KYNU: variants seen among roughly 807,000 people sequenced by gnomAD.
KYNU encodes the protein L-kynurenine hydrolase.
KYNU carries 54 observed loss-of-function variants against 59.2 expected under a neutral mutation model. That is an observed-to-expected ratio of 0.91 (90% CI 0.73 to 1.14). The LOEUF (loss-of-function observed/expected upper bound fraction) is 1.14, where lower values mean the gene tolerates loss of function less well. KYNU is among the 50% of genes most tolerant of loss of function. The probability of loss-of-function intolerance (pLI) is 0.00; values close to 1 mark genes in which losing one functional copy is unlikely to be tolerated. For synonymous variants in KYNU, 177 were observed against 192.0 expected, an observed-to-expected ratio of 0.92 and a Z score of 0.65; for missense variants, 567 against 554.4, an observed-to-expected ratio of 1.02 and a Z score of -0.23.
chr2:142,953,177 G>T (rs1684046389), intron 4 of KYNU, among the ~76,000 whole-genome samples: 1 of 152,190 alleles, frequency 6.6e-6, no homozygotes, highest in Non-Finnish European at 1.5e-5. Flanking sequence ...CAGAAGTCAT[G>T]ATGTCCTGGC....
chr2:142,960,612 A>T lies in KYNU; in HGVS notation c.583-12A>T, dbSNP rs973745535. ...TATCGATATGACCTAACTTGTGCCT[A>T]ACTTGATTTAGGGGGAAGAAACCTT... is the stretch of plus-strand genomic sequence containing the variant. On this transcript the variant is annotated splice_polypyrimidine_tract_variant and intron_variant, in intron 7 of 13. Transcript: ENST00000264170. 2.5e-6 allele frequency: 4 copies of T among 1,611,514 alleles called. No homozygotes were observed. In the African/African-American group the frequency reaches 4.0e-5, roughly 16 times the overall value.
chr2:142,970,208 C>G (rs528175475), intron 8 of KYNU, among the ~76,000 whole-genome samples: 1 of 151,976 alleles, frequency 6.6e-6, no homozygotes, highest in South Asian at 2.1e-4. Flanking sequence ...AAAGGTTAGT[C>G]GATTTGAAGA....
rs1448796238 is a variant in KYNU at position 143,044,953 on chromosome 2, T to G, written c.*2781T>G. The G allele has an allele frequency of 6.6e-6, 1 of 151,666 alleles. No individual in the cohort carries two copies. Among genetic ancestry groups the G allele is most frequent in the East Asian group, 1.9e-4 (1 of 5,186 alleles). The allele number at this position is 151,666 out of a possible 1,614,324, so 9.4% of individuals were successfully genotyped here. On this transcript the variant is annotated 3_prime_UTR_variant, in exon 14 of 14. Transcript: ENST00000264170. ...GCCTAGATATTCTTCTAGGGTTTTT[T>G]TTTTGGCTTTAGGTCTTGCAGTTAA...
intron 11 of KYNU, among the ~76,000 whole-genome samples, chr2:143,030,914 A>G (rs971282999): frequency 2.0e-5 from 3 of 152,198 alleles, no homozygotes; most frequent in Non-Finnish European, 2.9e-5. Flanking sequence ...ACCATCTAAC[A>G]CAAATCCTAT....
intron 7 of KYNU, among the ~76,000 whole-genome samples, chr2:142,959,965 C>T (rs933525823): frequency 6.6e-6 from 1 of 152,122 alleles, no homozygotes; most frequent in African/African-American, 2.4e-5. Flanking sequence ...GTTGCTCTGT[C>T]ACCCAGGCTG....
In KYNU at chr2:142,986,038, G is replaced by T; in HGVS notation, c.902+17G>T. 1 of 1,582,178 alleles carries T rather than the reference G, an allele frequency of 6.3e-7. No homozygotes were observed. The highest frequency in any genetic ancestry group is 8.7e-7 in the Non-Finnish European group (1 of 1,151,820). On this transcript the variant is annotated intron_variant, in intron 10 of 13. Transcript: ENST00000264170. ...TAAACCTGCGTGAGTACCATCTTCAGCTAATTCTTTGGTGATGAACAAATT... is the reference window on the plus strand; with the variant it reads ...TAAACCTGCGTGAGTACCATCTTCATCTAATTCTTTGGTGATGAACAAATT...
In KYNU at chr2:143,043,715, T is replaced by C. The variant is rs1032146047; in HGVS notation, c.*1543T>C. 1 of 147,780 alleles carries C rather than the reference T, an allele frequency of 6.8e-6. No individual in the cohort carries two copies. The highest frequency in any genetic ancestry group is 2.5e-5 in the African/African-American group (1 of 40,666). 9.2% of individuals were successfully genotyped at this position (147,780 alleles called of 1,614,324 possible). On this transcript the variant is annotated 3_prime_UTR_variant, in exon 14 of 14. Coordinates refer to ENST00000264170, the MANE Select transcript of KYNU (RefSeq NM_003937.3). ...AAACTCATGCATAAGTGGATTCATA[T>C]ACATATATAAAAATATATATAAATA...
At chr2:142,931,682 A>AT (rs927616988) in intron 4 of KYNU, among the ~76,000 whole-genome samples, 9 of 151,980 alleles carry the variant, frequency 5.9e-5, no homozygotes, top group Non-Finnish European at 1.0e-4. Flanking sequence ...CAAAAGGGAG[A>AT]TTTTTTGTCC....
chr2:143,050,390 G>T lies in KYNU; in HGVS notation c.*8218G>T, dbSNP rs368515905. 6.6e-6 allele frequency: 1 copy of T among 151,988 alleles called. No individual in the cohort carries two copies. Among genetic ancestry groups the T allele is most frequent in the African/African-American group, 2.4e-5 (1 of 41,390 alleles). The allele number at this position is 151,988 out of a possible 1,614,324, so 9.4% of individuals were successfully genotyped here. Reference sequence around the variant, plus strand: ...GCCTCCCACTTATGAGTGAGAACACGCGATGTTTGGTTTTCTGTTCCTGTG... The same window carrying T: ...GCCTCCCACTTATGAGTGAGAACACTCGATGTTTGGTTTTCTGTTCCTGTG... On this transcript the variant is annotated 3_prime_UTR_variant, in exon 14 of 14. Transcript: ENST00000264170.
At position 143,046,530 on chromosome 2, in the gene KYNU, A is replaced by G. The variant is rs1036200313; in HGVS notation, c.*4358A>G. 2.0e-5 allele frequency: 3 copies of G among 151,600 alleles called. No homozygotes were observed. The highest frequency in any genetic ancestry group is 4.4e-5 in the Non-Finnish European group (3 of 67,920). 9.4% of individuals were successfully genotyped at this position (151,600 alleles called of 1,614,324 possible). On this transcript the variant is annotated 3_prime_UTR_variant, in exon 14 of 14. Coordinates refer to ENST00000264170, the MANE Select transcript of KYNU (RefSeq NM_003937.3). ...ATTTATATTATTAATAATTCCTTCT[A>G]TTTCATAAGCCAGGTTTCTATATAT... is the stretch of plus-strand genomic sequence containing the variant.
chr2:142,988,789 A>G, intron 10 of KYNU: 4 of 1,234,450 alleles, frequency 3.2e-6, no homozygotes, highest in Non-Finnish European at 4.8e-6. Flanking sequence ...GTCAACTTCT[A>G]GCCTTGGCTC....
chr2:142,999,931 C>T (rs1685662844), intron 10 of KYNU, among the ~76,000 whole-genome samples: 1 of 151,890 alleles, frequency 6.6e-6, no homozygotes, highest in Admixed American at 6.6e-5. Context: ...ATTCATCTTA[C>T]CAAGTTGCAA....
At position 143,042,630 on chromosome 2, in the gene KYNU, A is replaced by ATATATG. The variant is rs1558990248; in HGVS notation, c.*459_*460insATATGT. On this transcript the variant is annotated 3_prime_UTR_variant, in exon 14 of 14. Coordinates refer to ENST00000264170, the MANE Select transcript of KYNU (RefSeq NM_003937.3). ...TATATATATATATATATATATATAT[A>ATATATG]TGTGTGTGTGTGTGTGTGTATATAT... 1.7e-5 allele frequency: 2 copies of ATATATG among 118,120 alleles called. No homozygotes were observed. The highest frequency in any genetic ancestry group is 2.6e-4 in the South Asian group (1 of 3,878). The allele number at this position is 118,120 out of a possible 1,614,324, so 7.3% of individuals were successfully genotyped here.
At chr2:143,024,956 T>C (rs1344756140) in intron 10 of KYNU, among the ~76,000 whole-genome samples, 1 of 152,132 alleles carries the variant, frequency 6.6e-6, no homozygotes, top group Non-Finnish European at 1.5e-5. Context: ...TTATTTTTTC[T>C]CACAACTATC....
chr2:143,021,580 G>A lies in KYNU; in HGVS notation c.903-8047G>A, dbSNP rs559345690. Among the ~76,000 whole-genome samples, 14 of 151,352 alleles carry A rather than the reference G, an allele frequency of 9.2e-5. 2 individuals are homozygous for A. The South Asian group carries it at 2.9e-3, about 31-fold the overall frequency. On this transcript the variant is annotated intron_variant, in intron 10 of 13. Coordinates refer to ENST00000264170, the MANE Select transcript of KYNU (RefSeq NM_003937.3). Reference sequence around the variant, plus strand: ...CTTACAATCATGGCAGGAGGCAAATGGGGGGCAGGCACCTCACGTGGCAGG... The same window carrying A: ...CTTACAATCATGGCAGGAGGCAAATAGGGGGCAGGCACCTCACGTGGCAGG...
rs982302399 is a variant in KYNU at position 143,044,395 on chromosome 2, C to T, written c.*2223C>T. On this transcript the variant is annotated 3_prime_UTR_variant, in exon 14 of 14. Transcript: ENST00000264170. Reference sequence around the variant, plus strand: ...AATGGTATTTCTGGTTCTAGATCCTCGAGGAATTGCCACACTGTCTTCCAC... The same window carrying T: ...AATGGTATTTCTGGTTCTAGATCCTTGAGGAATTGCCACACTGTCTTCCAC... 1.3e-5 allele frequency: 2 copies of T among 152,084 alleles called. No homozygotes were observed. The highest frequency in any genetic ancestry group is 2.4e-5 in the African/African-American group (1 of 41,414). The allele number at this position is 152,084 out of a possible 1,614,324, so 9.4% of individuals were successfully genotyped here. A position where few individuals can be genotyped will look rare whatever the true frequency, so the allele number is the denominator to read the frequency against.
chr2:142,901,596 T>C (rs1682090473), intron 2 of KYNU, among the ~76,000 whole-genome samples: 1 of 152,208 alleles, frequency 6.6e-6, no homozygotes, highest in Non-Finnish European at 1.5e-5. Context: ...TGATAGGTGT[T>C]CCCTCAGAAG....
intron 13 of KYNU, 143 bp downstream of exon 13, chr2:143,040,801 C>T (rs1047494998): frequency 1.1e-5 from 7 of 611,780 alleles, no homozygotes; most frequent in African/African-American, 9.3e-5. Context: ...CAACTAAGCC[C>T]TCAGCACTGT....
At position 143,043,327 on chromosome 2, in the gene KYNU, T is replaced by C. The variant is rs565391061; in HGVS notation, c.*1155T>C. The C allele has an allele frequency of 5.0e-4, 76 of 152,138 alleles. 1 individual carries two copies. Among genetic ancestry groups the C allele is most frequent in the African/African-American group, 1.8e-3 (74 of 41,546 alleles). 9.4% of individuals were successfully genotyped at this position (152,138 alleles called of 1,614,324 possible). On this transcript the variant is annotated 3_prime_UTR_variant, in exon 14 of 14. Transcript: ENST00000264170. ...AAAGTTACACTTAGCCCTGTTGGAC[T>C]TACCTAGTTTTCAATTGTTGATGCC...
Sources: allele counts gnomAD v4.1 joint callset (sites outside exome capture counted in the v4.1 genomes callset), GRCh38; gene constraint gnomAD v4.1.1; transcripts MANE v1.5; gene names NCBI Gene and HGNC (gene_info 2026-07-23, HGNC 2026-07-21).